VPS13D: variants seen among roughly 807,000 people sequenced by gnomAD.
VPS13D encodes the protein vacuolar protein sorting 13 homolog D.
Under a neutral mutation model 461.9 loss-of-function variants are expected in VPS13D, and 187 were observed. The observed-to-expected ratio is 0.40, with a 90% confidence interval of 0.36 to 0.46. VPS13D has a LOEUF of 0.46. VPS13D is among the 20% of genes least tolerant of loss of function. The pLI is 0.60. For synonymous variants in VPS13D, 1,951 were observed against 1,986.3 expected (o/e 0.98, Z 0.47); for missense variants, 4,711 against 5,364.9 (o/e 0.88, Z 3.81).
chr1:12,497,496 C>A lies in VPS13D; in HGVS notation c.12663-4C>A. Reference sequence around the variant, plus strand: ...CTTGGCTTTATGTCCATTTACCCATCTAGGACTCAAGCACAGAGGGTTCGG... The same window carrying A: ...CTTGGCTTTATGTCCATTTACCCATATAGGACTCAAGCACAGAGGGTTCGG... On this transcript the variant is annotated splice_region_variant and splice_polypyrimidine_tract_variant and intron_variant, in intron 67 of 69. Coordinates refer to ENST00000620676, the MANE Select transcript of VPS13D (RefSeq NM_015378.4). 6.2e-7 allele frequency: 1 copy of A among 1,612,798 alleles called. No individual in the cohort carries two copies. Among genetic ancestry groups the A allele is most frequent in the Admixed American group, 1.7e-5 (1 of 59,748 alleles).
intron 67 of VPS13D, among the ~76,000 whole-genome samples, chr1:12,477,928 A>G (rs954386568): frequency 6.6e-5 from 10 of 152,152 alleles, no homozygotes; most frequent in African/African-American, 2.4e-4. Context: ...ATTAAGGGCA[A>G]TCTTGCCTCC....
intron 67 of VPS13D, among the ~76,000 whole-genome samples, chr1:12,476,233 T>C (rs753473092): frequency 6.6e-6 from 1 of 152,256 alleles, no homozygotes; most frequent in Non-Finnish European, 1.5e-5. Context: ...TGCATGTTCC[T>C]GGAATATTGT....
rs139303925 is a variant in VPS13D, at chr1:12,322,665, G to A, written c.7834G>A (p.Val2612Ile). The A allele has an allele frequency of 2.8e-5, 46 of 1,614,094 alleles. No individual in the cohort carries two copies. Among genetic ancestry groups the A allele is most frequent in the South Asian group, 1.6e-4 (15 of 91,092 alleles). ...CTCAGTGGCCCTGGAGTCAGACTCC[G>A]TTGGCACTTACCTTCCAGGTGCATC... Reference protein sequence around the residue: ...PDSVALESDSVGTYLPGASRV... With the variant: ...PDSVALESDSIGTYLPGASRV... Residue 2612 changes from valine (V) to isoleucine (I), a missense_variant, in exon 34 of 70, where the codon GTT (valine) becomes ATT (isoleucine). Coordinates refer to ENST00000620676, the MANE Select transcript of VPS13D (RefSeq NM_015378.4).
chr1:12,252,012 T>C (rs538195972), intron 6 of VPS13D, among the ~76,000 whole-genome samples: 1 of 151,918 alleles, frequency 6.6e-6, no homozygotes, highest in Non-Finnish European at 1.5e-5. Context: ...TGACGGTCAT[T>C]GAGATTGCTC....
chr1:12,386,228 A>G lies in VPS13D; in HGVS notation c.11528A>G (p.Asn3843Ser). 1.9e-6 allele frequency: 3 copies of G among 1,613,694 alleles called. No homozygotes were observed. Among genetic ancestry groups the G allele is most frequent in the Non-Finnish European group, 2.5e-6 (3 of 1,179,840 alleles). Residue 3843 changes from asparagine to serine, a missense_variant, in exon 60 of 70, where the codon AAT becomes AGT. This residue lies in a region of VPS13D where 4,411 missense variants were observed against 4,937.8 expected (regional missense o/e 0.89). Coordinates refer to ENST00000620676, the MANE Select transcript of VPS13D (RefSeq NM_015378.4). ...LEGGIGLSLI[N>S]KVPEELVFAS... ...GGTGGAATTGGGTTGTCCTTAATTA[A>G]TAAAGTCCCAGAAGAACTGGTCTTT...
intron 40 of VPS13D, among the ~76,000 whole-genome samples, chr1:12,339,194 C>G (rs1643513535): frequency 6.6e-6 from 1 of 152,112 alleles, no homozygotes; most frequent in African/African-American, 2.4e-5. Context: ...TTGTGTATTC[C>G]TGCTTCTAAG....
At chr1:12,428,139 CT>C (rs971130766) in intron 65 of VPS13D, among the ~76,000 whole-genome samples, 5 of 152,136 alleles carry the variant, frequency 3.3e-5, no homozygotes, top group African/African-American at 1.2e-4. Context: ...AGAATCCCCC[CT>C]AAGAGGAAAA....
intron 7 of VPS13D, among the ~76,000 whole-genome samples, chr1:12,255,597 A>G (rs781285556): frequency 6.6e-6 from 1 of 151,648 alleles, no homozygotes; most frequent in Admixed American, 6.6e-5. Flanking sequence ...TGTATTACCT[A>G]TTAAGAAATA....
At chr1:12,493,482 CAAAA>C (rs899634441) in intron 67 of VPS13D, among the ~76,000 whole-genome samples, 3 of 55,444 alleles carry the variant, frequency 5.4e-5, no homozygotes, top group Admixed American at 1.6e-4. Flanking sequence ...GACTCCATCT[CAAAA>C]AAAAAAAAAA....
chr1:12,261,775 G>A lies in VPS13D; in HGVS notation c.1415-126G>A, dbSNP rs548111405. 2.0e-4 allele frequency: 161 copies of A among 802,610 alleles called. No homozygotes were observed. The African/African-American group carries it at 2.7e-3, about 13-fold the overall frequency. The allele number at this position is 802,610 out of a possible 1,614,324, so 49.7% of individuals were successfully genotyped here. ...TTATAAAATAGTCACCCATGACTTT[G>A]GAGTTCTTTCTTAACAAAGGGAAAA... On this transcript the variant is annotated intron_variant, in intron 12 of 69. Transcript: ENST00000620676.
intron 60 of VPS13D, among the ~76,000 whole-genome samples, chr1:12,388,247 A>G (rs757184430): frequency 6.6e-6 from 1 of 152,210 alleles, no homozygotes; most frequent in Admixed American, 6.5e-5. Flanking sequence ...CCAAAATAAC[A>G]AAGAGTTATA....
Position 12,277,059 on chromosome 1 carries a change from G to A in VPS13D, c.3471G>A (p.Gln1157=), listed in dbSNP as rs1416960960. 4 of 1,614,116 alleles carry A rather than the reference G, an allele frequency of 2.5e-6. No individual in the cohort carries two copies. The East Asian group carries it at 8.9e-5, about 36-fold the overall frequency. Residue 1157 remains glutamine, a synonymous_variant, in exon 19 of 70, where the codon CAG becomes CAA. Transcript: ENST00000620676. ...ERSFREQGTY[Q]STYEQNTEVA... ...GCTTCAGAGAACAAGGAACTTACCA[G>A]TCTACATATGAACAAAACACTGAGG...
chr1:12,509,144 A>C lies in VPS13D; in HGVS notation c.*120A>C, dbSNP rs1646152958. On this transcript the variant is annotated 3_prime_UTR_variant, in exon 70 of 70. Transcript: ENST00000620676. ...GTCGGGTTTGGGGAAGTTGTCAAGGAATGAGGGAAAGTAAATCCTCATGAG... is the reference window on the plus strand; with the variant it reads ...GTCGGGTTTGGGGAAGTTGTCAAGGCATGAGGGAAAGTAAATCCTCATGAG... 5.5e-6 allele frequency: 7 copies of C among 1,263,242 alleles called. No homozygotes were observed. Among genetic ancestry groups the C allele is most frequent in the Non-Finnish European group, 7.5e-6 (7 of 936,208 alleles). The allele number at this position is 1,263,242 out of a possible 1,614,324, so 78.3% of individuals were successfully genotyped here. A position where few individuals can be genotyped will look rare whatever the true frequency, so the allele number is the denominator to read the frequency against.
chr1:12,499,994 CT>C, intron 68 of VPS13D: 1 of 985,390 alleles, frequency 1.0e-6, no homozygotes, highest in Non-Finnish European at 1.2e-6. Flanking sequence ...TTTAAAGGAT[CT>C]TTAATACCTT....
intron 59 of VPS13D, among the ~76,000 whole-genome samples, 173 bp from the exon 60 acceptor site, chr1:12,386,012 G>A (rs1305156344): frequency 6.6e-6 from 1 of 152,190 alleles, no homozygotes; most frequent in Non-Finnish European, 1.5e-5. Flanking sequence ...GGCTTCCAGT[G>A]AGATGATAGC....
At chr1:12,311,403 G>A (rs772901661) in intron 27 of VPS13D, 51 bp from the exon 28 acceptor site, 2 of 1,548,096 alleles carry the variant, frequency 1.3e-6, no homozygotes, top group Non-Finnish European at 1.7e-6. Context: ...AGCTATGTCA[G>A]TGTTAAGTTA....
At chr1:12,493,597 T>C (rs571685241) in intron 67 of VPS13D, among the ~76,000 whole-genome samples, 10 of 151,988 alleles carry the variant, frequency 6.6e-5, no homozygotes, top group African/African-American at 2.4e-4. Context: ...CATGAACAAA[T>C]GTAGGACTGC....
At chr1:12,341,732 C>T (rs779339295) in intron 40 of VPS13D, 48 bp from the exon 41 acceptor site, 11 of 1,569,116 alleles carry the variant, frequency 7.0e-6, no homozygotes, top group Non-Finnish European at 9.6e-6. Context: ...AGGGTCTCTG[C>T]CATGCAGATA....
chr1:12,275,070 T>G (rs1641567874), intron 18 of VPS13D, among the ~76,000 whole-genome samples: 2 of 152,040 alleles, frequency 1.3e-5, no homozygotes, highest in African/African-American at 4.8e-5. Context: ...AGTACAAAAA[T>G]TAGCCAGTCA....
Sources: allele counts gnomAD v4.1 joint callset (sites outside exome capture counted in the v4.1 genomes callset), GRCh38; gene constraint gnomAD v4.1.1; regional missense constraint gnomAD v4.1.1; transcripts MANE v1.5; gene names NCBI Gene and HGNC (gene_info 2026-07-23, HGNC 2026-07-21).